The following CDH2 variants were observed in gnomAD, a reference collection of about 807,000 sequenced individuals.
CDH2 encodes cadherin 2, also known as cadherin-2.
Under a neutral mutation model 92.0 loss-of-function variants are expected in CDH2, and 17 were observed. That is an observed-to-expected ratio of 0.18 (90% CI 0.13 to 0.28). The LOEUF (loss-of-function observed/expected upper bound fraction) is 0.28. CDH2 is among the 10% of genes least tolerant of loss of function. The probability of loss-of-function intolerance (pLI) is 1.00; values close to 1 mark genes in which losing one functional copy is unlikely to be tolerated. For synonymous variants in CDH2, 419 were observed against 415.9 expected (o/e 1.01, Z -0.09); for missense variants, 862 against 1,133.1 (o/e 0.76, Z 3.44).
At chr18:28,066,969 A>C (rs1030556398) in intron 2 of CDH2, among the ~76,000 whole-genome samples, 1 of 152,152 alleles carries the variant, frequency 6.6e-6, no homozygotes, top group Non-Finnish European at 1.5e-5. Context: ...CTTTCTCCTC[A>C]CAAACAAACC....
intron 6 of CDH2, among the ~76,000 whole-genome samples, chr18:27,935,195 G>C (rs533574147): frequency 6.6e-6 from 1 of 152,190 alleles, no homozygotes; most frequent in Non-Finnish European, 1.5e-5. Flanking sequence ...CTGAGACTGG[G>C]TGATTGATAA....
chr18:28,050,970 A>G (rs2014179358), intron 2 of CDH2, among the ~76,000 whole-genome samples: 2 of 152,224 alleles, frequency 1.3e-5, no homozygotes, highest in African/African-American at 4.8e-5. Flanking sequence ...AAAAATATGT[A>G]TTTCCTTAAC....
chr18:28,042,424 G>A (rs1034876794), intron 2 of CDH2, among the ~76,000 whole-genome samples: 4 of 152,244 alleles, frequency 2.6e-5, no homozygotes, highest in African/African-American at 9.6e-5. Flanking sequence ...TGTATATACA[G>A]TGATGGTCTT....
intron 2 of CDH2, among the ~76,000 whole-genome samples, chr18:28,039,084 T>C (rs1033003397): frequency 2.0e-5 from 3 of 152,204 alleles, no homozygotes; most frequent in African/African-American, 7.2e-5. Context: ...TTTATGTGTC[T>C]TCCTTCATAC....
intron 2 of CDH2, among the ~76,000 whole-genome samples, chr18:28,047,985 T>C (rs1243009627): frequency 6.6e-6 from 1 of 151,914 alleles, no homozygotes; most frequent in Non-Finnish European, 1.5e-5. Context: ...GGAGGGGAGC[T>C]ACAGTAAACT....
At chr18:28,110,043 CT>C (rs1473836787) in intron 2 of CDH2, among the ~76,000 whole-genome samples, 1 of 152,114 alleles carries the variant, frequency 6.6e-6, no homozygotes, top group African/African-American at 2.4e-5. Flanking sequence ...ATATGGTGTC[CT>C]TTTCTGAGGT....
At chr18:27,939,603 C>G (rs1039374404) in intron 6 of CDH2, among the ~76,000 whole-genome samples, 4 of 152,148 alleles carry the variant, frequency 2.6e-5, no homozygotes, top group Admixed American at 2.6e-4. Context: ...GGCCCTTGAG[C>G]TCACCTCTTT....
intron 12 of CDH2, 57 bp downstream of exon 12, chr18:27,985,471 G>C: frequency 8.6e-7 from 1 of 1,160,776 alleles, no homozygotes; most frequent in South Asian, 1.4e-5. Context: ...AACTTTTCAT[G>C]CCAGGCTTCA....
intron 2 of CDH2, among the ~76,000 whole-genome samples, chr18:28,024,695 T>C (rs2144066716): frequency 6.6e-6 from 1 of 151,780 alleles, no homozygotes; most frequent in Admixed American, 6.6e-5. Context: ...TAATTTAGTG[T>C]CCAGAGAAAT....
intron 2 of CDH2, among the ~76,000 whole-genome samples, chr18:28,122,448 G>T (rs766757035): frequency 6.6e-6 from 1 of 151,646 alleles, no homozygotes; most frequent in Non-Finnish European, 1.5e-5. Flanking sequence ...TGTAATCTTC[G>T]GTATTTCAAA....
intron 2 of CDH2, among the ~76,000 whole-genome samples, chr18:28,043,891 T>G (rs77726642): frequency 0.014 from 113 of 7,914 alleles, no homozygotes; most frequent in African/African-American, 0.12. Flanking sequence ...GAATCTCGGA[T>G]TTTTTTTTTT....
At chr18:27,986,870 T>C (rs2012251850) in intron 11 of CDH2, among the ~76,000 whole-genome samples, 1 of 152,224 alleles carries the variant, frequency 6.6e-6, no homozygotes, top group Admixed American at 6.5e-5. Context: ...TTAATATTAC[T>C]ATACTTTTAT....
chr18:28,064,489 C>CCTATG (rs112402422), intron 2 of CDH2, among the ~76,000 whole-genome samples: 7,612 of 151,794 alleles, frequency 0.05, 650 homozygotes, highest in African/African-American at 0.18. Context: ...TCAGCCAAAG[C>CCTATG]CTATGGGGTC....
chr18:27,993,948 T>C (rs947202722), intron 7 of CDH2, among the ~76,000 whole-genome samples: 2 of 152,228 alleles, frequency 1.3e-5, no homozygotes, highest in Non-Finnish European at 2.9e-5. Flanking sequence ...CTTCACGAGA[T>C]TGTGATCAAG....
chr18:28,055,791 ATATAT>A (rs1351993930), intron 2 of CDH2, among the ~76,000 whole-genome samples: 5 of 152,178 alleles, frequency 3.3e-5, no homozygotes, highest in Admixed American at 1.3e-4. Flanking sequence ...AAGAAGCTAC[ATATAT>A]TATATTTGGG....
chr18:28,054,498 GAAATCA>G (rs1364105591), intron 2 of CDH2, among the ~76,000 whole-genome samples: 1 of 152,144 alleles, frequency 6.6e-6, no homozygotes, highest in Non-Finnish European at 1.5e-5. Context: ...AACACTTACA[GAAATCA>G]AAAGAACTTC....
chr18:28,134,324 T>C (rs1474348144), intron 2 of CDH2, among the ~76,000 whole-genome samples: 2 of 152,052 alleles, frequency 1.3e-5, no homozygotes, highest in Non-Finnish European at 2.9e-5. Flanking sequence ...GCTGGGAAGA[T>C]GGCTGATGAT....
chr18:28,036,508 T>C (rs2013832716), intron 2 of CDH2: 1 of 1,606,336 alleles, frequency 6.2e-7, no homozygotes, highest in African/African-American at 1.3e-5. Context: ...GTTCTTTAAT[T>C]TCTCAGTGAA....
At chr18:28,064,770 G>A (rs1567984484) in intron 2 of CDH2, among the ~76,000 whole-genome samples, 1 of 151,906 alleles carries the variant, frequency 6.6e-6, no homozygotes, top group Non-Finnish European at 1.5e-5. Flanking sequence ...GGAGCCTTGA[G>A]AGAATCAGGT....
Sources: allele counts gnomAD v4.1 joint callset (sites outside exome capture counted in the v4.1 genomes callset), GRCh38; gene constraint gnomAD v4.1.1; transcripts MANE v1.5; gene names NCBI Gene and HGNC (gene_info 2026-07-23, HGNC 2026-07-21).